TMEM181: variants seen among roughly 807,000 people sequenced by gnomAD.
TMEM181 encodes the protein transmembrane protein 181.
In TMEM181, 39 loss-of-function variants were observed where a neutral mutation model predicts 71.9. The observed-to-expected ratio is 0.54, with a 90% CI of 0.42 to 0.71. The LOEUF is 0.71. TMEM181 is among the 30% of genes least tolerant of loss of function. The pLI, the probability that TMEM181 is intolerant of heterozygous loss-of-function variation, is 0.00. For synonymous variants in TMEM181, 245 were observed against 228.8 expected (o/e 1.07, Z -0.64); for missense variants, 595 against 583.0 (o/e 1.02, Z -0.21).
At chr6:158,605,497 T>TA (rs1784904322) in intron 7 of TMEM181, 150 bp downstream of exon 7, 1 of 741,162 alleles carries the variant, frequency 1.3e-6, no homozygotes, top group South Asian at 1.6e-5. Flanking sequence ...CAACTCTGTG[T>TA]GTCTGCCGAG....
intron 11 of TMEM181, 49 bp downstream of exon 11, chr6:158,623,656 G>A (rs780481719): frequency 1.5e-6 from 2 of 1,321,978 alleles, no homozygotes; most frequent in Non-Finnish European, 2.1e-6. Context: ...ATGCTGTTTT[G>A]TAAAATTACT....
intron 2 of TMEM181, among the ~76,000 whole-genome samples, chr6:158,580,674 G>GT (rs567194736): frequency 4.3e-4 from 65 of 152,260 alleles, no homozygotes; most frequent in African/African-American, 1.6e-3. Context: ...CTAGCAGGGT[G>GT]TTTCCTGTGG....
At chr6:158,614,447 T>G (rs1406540885) in intron 10 of TMEM181, among the ~76,000 whole-genome samples, 1 of 151,398 alleles carries the variant, frequency 6.6e-6, no homozygotes, top group African/African-American at 2.4e-5. Flanking sequence ...ATATTAACCC[T>G]AATTTTTAAT....
chr6:158,560,798 G>T lies in TMEM181; in HGVS notation c.8+566G>T, dbSNP rs534313101. 1.8e-4 allele frequency among the ~76,000 whole-genome samples: 26 copies of T among 143,246 alleles called. No homozygotes were observed. The South Asian group carries it at 5.9e-3, about 33-fold the overall frequency. 94.0% of individuals were successfully genotyped at this position (143,246 alleles called of 152,430 possible). On this transcript the variant is annotated intron_variant, in intron 1 of 16. Transcript: ENST00000684151. ...GTTATATGAGTTTTATGCGTTTTAC[G>T]ATCTGCTGACTTTGGGCTTTTTTTT...
At position 158,573,499 on chromosome 6, in the gene TMEM181, C is replaced by T; in HGVS notation, c.88C>T (p.Leu30=). 6.2e-7 allele frequency: 1 copy of T among 1,608,068 alleles called. No homozygotes were observed. The highest frequency in any genetic ancestry group is 8.5e-7 in the Non-Finnish European group (1 of 1,177,222). The part of the protein sequence containing the change: ...VFVVFFICFG[L]TIFVGIRGPK... ...TGTCGTCTTCTTCATCTGCTTTGGCCTGACCATCTTCGTTGGGATCAGAGG... is the reference window on the plus strand; with the variant it reads ...TGTCGTCTTCTTCATCTGCTTTGGCTTGACCATCTTCGTTGGGATCAGAGG... Residue 30 remains leucine, a synonymous_variant, in exon 2 of 17, where the codon CTG becomes TTG. Coordinates refer to ENST00000684151, the MANE Select transcript of TMEM181 (RefSeq NM_001376852.1).
At chr6:158,605,446 C>T in intron 7 of TMEM181, 99 bp downstream of exon 7, 12 of 1,106,934 alleles carry the variant, frequency 1.1e-5, no homozygotes, top group African/African-American at 6.2e-5. Flanking sequence ...GGAGATTGAT[C>T]TGAACTCAGA....
At chr6:158,590,975 T>A (rs982005039) in intron 6 of TMEM181, among the ~76,000 whole-genome samples, 2 of 152,240 alleles carry the variant, frequency 1.3e-5, no homozygotes, top group Non-Finnish European at 2.9e-5. Flanking sequence ...TCGGTGACTG[T>A]CTGCTTTCAC....
At chr6:158,547,255 C>G (rs1283623566) in intron 1 of TMEM181, among the ~76,000 whole-genome samples, 3 of 152,202 alleles carry the variant, frequency 2.0e-5, no homozygotes. Flanking sequence ...GCACTTCAGC[C>G]TGGGCAACAG....
intron 3 of TMEM181, among the ~76,000 whole-genome samples, chr6:158,581,748 T>A (rs1433835405): frequency 3.8e-5 from 3 of 78,434 alleles, no homozygotes; most frequent in South Asian, 8.0e-4. Flanking sequence ...AGTGAGACTC[T>A]GTCTCAAAAA....
In TMEM181 at chr6:158,574,908, A is replaced by G. The variant is rs75591902; in HGVS notation, c.112+1385A>G. On this transcript the variant is annotated intron_variant, in intron 2 of 16. Transcript: ENST00000684151. ...GTTCCAGTCCAAGCCCAAAGGCATG[A>G]GAACTAGGAGAGCTGATGGAGTAAA... Among the ~76,000 whole-genome samples, 47 of 152,338 alleles carry G rather than the reference A, an allele frequency of 3.1e-4. No individual in the cohort carries two copies. In the East Asian group the frequency reaches 7.9e-3, roughly 26 times the overall value.
intron 10 of TMEM181, among the ~76,000 whole-genome samples, chr6:158,613,743 G>A (rs983754288): frequency 1.3e-5 from 2 of 152,252 alleles, no homozygotes; most frequent in Admixed American, 6.5e-5. Flanking sequence ...TATTCTTACC[G>A]CACTGATGCA....
chr6:158,621,555 TC>T, intron 10 of TMEM181: 1 of 178,442 alleles, frequency 5.6e-6, no homozygotes, highest in Non-Finnish European at 1.3e-5. Flanking sequence ...ATCACCGGAC[TC>T]CCGGAGGCAG....
intron 1 of TMEM181, among the ~76,000 whole-genome samples, chr6:158,570,734 C>T (rs1455695855): frequency 6.6e-6 from 1 of 151,902 alleles, no homozygotes; most frequent in Non-Finnish European, 1.5e-5. Flanking sequence ...TTCACATAAC[C>T]TGGCGCATTT....
chr6:158,585,653 AAC>A (rs777463198), intron 5 of TMEM181, among the ~76,000 whole-genome samples: 7 of 152,228 alleles, frequency 4.6e-5, no homozygotes, highest in Non-Finnish European at 8.8e-5. Context: ...CACATCCGTA[AAC>A]ACACGTGTAC....
intron 6 of TMEM181, among the ~76,000 whole-genome samples, chr6:158,603,389 G>A (rs1396320717): frequency 6.6e-6 from 1 of 152,156 alleles, no homozygotes; most frequent in Admixed American, 6.5e-5. Flanking sequence ...GCAGGTTCGT[G>A]CTTCTGTGAG....
chr6:158,542,625 G>T (rs1300935483), intron 1 of TMEM181, among the ~76,000 whole-genome samples: 1 of 152,128 alleles, frequency 6.6e-6, no homozygotes, highest in African/African-American at 2.4e-5. Context: ...TTGTTTTTGA[G>T]GCAGAGTCTT....
intron 6 of TMEM181, among the ~76,000 whole-genome samples, chr6:158,600,676 G>C (rs1784620772): frequency 6.6e-6 from 1 of 151,970 alleles, no homozygotes; most frequent in Non-Finnish European, 1.5e-5. Context: ...TTGCGATGTT[G>C]CCCAGGCTGG....
At chr6:158,580,525 CG>C (rs1783413723) in intron 2 of TMEM181, among the ~76,000 whole-genome samples, 1 of 152,060 alleles carries the variant, frequency 6.6e-6, no homozygotes, top group Non-Finnish European at 1.5e-5. Flanking sequence ...TTTTGGAAGA[CG>C]GGATTAATTG....
rs2128334363 is a variant in TMEM181 at position 158,632,069 on chromosome 6, A to C, written c.*181A>C. The C allele has an allele frequency of 1.6e-6, 1 of 616,654 alleles. No individual in the cohort carries two copies. 38.2% of individuals were successfully genotyped at this position (616,654 alleles called of 1,614,324 possible). On this transcript the variant is annotated 3_prime_UTR_variant, in exon 17 of 17. Coordinates refer to ENST00000684151, the MANE Select transcript of TMEM181 (RefSeq NM_001376852.1). ...TAAATTTAAATGTTTAGCCAAATTT[A>C]TTGTCATGGTGGCTACGAGAAGAGG...
Sources: allele counts gnomAD v4.1 joint callset (sites outside exome capture counted in the v4.1 genomes callset), GRCh38; gene constraint gnomAD v4.1.1; transcripts MANE v1.5; gene names NCBI Gene and HGNC (gene_info 2026-07-23, HGNC 2026-07-21).